PIGG: variants seen among roughly 807,000 people sequenced by gnomAD.
PIGG encodes GPI ethanolamine phosphate transferase 2, catalytic subunit.
Under a neutral mutation model 83.2 loss-of-function variants are expected in PIGG, and 70 were observed. The ratio of observed to expected loss-of-function variants is 0.84; its 90% CI spans 0.69 to 1.03. The LOEUF (loss-of-function observed/expected upper bound fraction) is 1.03. Among genes scored for constraint, PIGG ranks in the 50% least tolerant of loss-of-function variants. The pLI is 0.00. For missense variants in PIGG, 1,257 were observed against 1,233.6 expected, an observed-to-expected ratio of 1.02 and a Z score of -0.28; for synonymous variants, 532 against 519.5, an observed-to-expected ratio of 1.02 and a Z score of -0.33.
At chr4:518,389 C>T (rs1226419261) in intron 6 of PIGG, among the ~76,000 whole-genome samples, 1 of 152,056 alleles carries the variant, frequency 6.6e-6, no homozygotes, top group Non-Finnish European at 1.5e-5. Flanking sequence ...GTCAGGAGAT[C>T]AAGACCGTCC....
intron 8 of PIGG, among the ~76,000 whole-genome samples, chr4:522,996 A>G (rs2108960934): frequency 6.6e-6 from 1 of 152,166 alleles, no homozygotes; most frequent in South Asian, 2.1e-4. Context: ...GGTGGGATGT[A>G]TTGTTGAGGT....
At position 499,282 on chromosome 4, in the gene PIGG, G is replaced by A. The variant is rs1553873825; in HGVS notation, c.-54G>A. ...ACCTGGAGCCGGAAGCGCGGCTGCAGCAGGGCGAGGCTCCAGGTGGGGTCG... is the reference window on the plus strand; with the variant it reads ...ACCTGGAGCCGGAAGCGCGGCTGCAACAGGGCGAGGCTCCAGGTGGGGTCG... On this transcript the variant is annotated 5_prime_UTR_variant, in exon 1 of 13. Transcript: ENST00000453061. 2 of 1,577,788 alleles carry A rather than the reference G, an allele frequency of 1.3e-6. No homozygotes were observed. Among genetic ancestry groups the A allele is most frequent in the Non-Finnish European group, 1.7e-6 (2 of 1,166,428 alleles).
chr4:505,952 T>C (rs1392804890), intron 3 of PIGG, 25 bp downstream of exon 3: 2 of 1,459,718 alleles, frequency 1.4e-6, no homozygotes, highest in Non-Finnish European at 1.9e-6. Context: ...TAAGAAAATA[T>C]ATCATACTAG....
Position 528,107 on chromosome 4 carries a change from A to C in PIGG, c.2261+877A>C. 1.0e-6 allele frequency: 1 copy of C among 984,890 alleles called. No homozygotes were observed. The highest frequency in any genetic ancestry group is 1.2e-6 in the Non-Finnish European group (1 of 829,842). 61.0% of individuals were successfully genotyped at this position (984,890 alleles called of 1,614,324 possible). The stretch of plus-strand genomic sequence containing the variant: ...CAGTGAGGTCGGTGCTCTGATAGTG[A>C]CCCTCTCAGTGAGGTCGGTGCTCTG... On this transcript the variant is annotated intron_variant, in intron 10 of 12. Transcript: ENST00000453061. This position sits in a 1 kb window ranked among gnomAD's most constrained non-coding sequence, Gnocchi z 4.8.
In PIGG at chr4:521,194, C is replaced by T. The variant is rs144656165; in HGVS notation, c.1253C>T (p.Thr418Met). 47 of 1,613,908 alleles carry T rather than the reference C, an allele frequency of 2.9e-5. No homozygotes were observed. Among genetic ancestry groups the T allele is most frequent in the African/African-American group, 8.0e-5 (6 of 74,902 alleles). ...VLRQYLDALK[T>M]LSLSLSAQVA... is the part of the protein sequence containing the mutation. ...AGGCAGTACCTGGATGCTCTGAAGA[C>T]GCTGAGCTTGTCCCTGAGTGCACAA... The change falls in exon 7 of 13, where the codon ACG becomes ATG. Residue 418 changes from threonine (T) to methionine (M), a missense_variant. Transcript: ENST00000453061.
chr4:521,572 G>A, intron 7 of PIGG, 88 bp from the exon 8 acceptor site: 1 of 1,256,974 alleles, frequency 8.0e-7, no homozygotes, highest in Non-Finnish European at 1.1e-6. Flanking sequence ...TGTGTGGACA[G>A]CTGACACGAG....
intron 5 of PIGG, among the ~76,000 whole-genome samples, chr4:513,807 A>G (rs1015897873): frequency 6.6e-6 from 1 of 152,172 alleles, no homozygotes; most frequent in Non-Finnish European, 1.5e-5. Flanking sequence ...TTTCAGAATT[A>G]CAGTTATTAA....
At chr4:508,267 TGAAG>T (rs1205415256) in intron 4 of PIGG, among the ~76,000 whole-genome samples, 3 of 152,038 alleles carry the variant, frequency 2.0e-5, no homozygotes, top group Admixed American at 2.0e-4. Context: ...AGCAGAGACT[TGAAG>T]GGAGGGAGGG....
intron 5 of PIGG, among the ~76,000 whole-genome samples, chr4:510,938 T>C (rs1721680848): frequency 6.6e-6 from 1 of 152,106 alleles, no homozygotes. Context: ...TGGTCTCGTG[T>C]GCCTGGCTTC....
chr4:523,698 C>G lies in PIGG; in HGVS notation c.1854C>G (p.Ala618=), dbSNP rs775387761. Residue 618 remains alanine (A), a synonymous_variant, in exon 9 of 13, where the codon GCC becomes GCG. Coordinates refer to ENST00000453061, the MANE Select transcript of PIGG (RefSeq NM_001127178.3). The part of the protein sequence containing the change: ...GLCVEQGHDG[A]TAAWQDGPGC... The stretch of plus-strand genomic sequence containing the variant: ...GTGTGGAACAAGGGCATGACGGGGC[C>G]ACAGCAGCGTGGCAGGACGGGCCTG... 1 of 1,614,230 alleles carries G rather than the reference C, an allele frequency of 6.2e-7. No individual in the cohort carries two copies. Among genetic ancestry groups the G allele is most frequent in the East Asian group, 2.2e-5 (1 of 44,882 alleles).
intron 11 of PIGG, chr4:532,890 AGC>A (rs1729405052): frequency 1.3e-5 from 2 of 152,196 alleles, no homozygotes; most frequent in African/African-American, 4.9e-5. Context: ...GGGGCCTGGG[AGC>A]AGAGAGGAGG....
chr4:536,816 C>T (rs1375963005), intron 12 of PIGG: 2 of 152,292 alleles, frequency 1.3e-5, no homozygotes, highest in African/African-American at 4.8e-5. Context: ...GCGGCGTGAT[C>T]AAGCACCTGT....
chr4:534,126 G>A, intron 12 of PIGG, 145 bp downstream of exon 12: 2 of 738,268 alleles, frequency 2.7e-6, no homozygotes, highest in East Asian at 2.7e-5. Context: ...AATAGGGAAC[G>A]GTCCAAAGCT....
At chr4:539,106 A>C in intron 12 of PIGG, 47 bp from the exon 13 acceptor site, 1 of 1,186,278 alleles carries the variant, frequency 8.4e-7, no homozygotes, top group Middle Eastern at 2.8e-4. Flanking sequence ...TACATGTGTG[A>C]TATGTAAGTG....
At chr4:530,874 C>T (rs543950142) in intron 11 of PIGG, 129 bp downstream of exon 11, 2 of 683,588 alleles carry the variant, frequency 2.9e-6, no homozygotes, top group South Asian at 3.8e-5. Flanking sequence ...TTACGCTGAA[C>T]TCTCGTGTAT....
chr4:516,135 C>G lies in PIGG; in HGVS notation c.1064C>G (p.Thr355Arg), dbSNP rs1023854755. The G allele has an allele frequency of 6.2e-7, 1 of 1,614,034 alleles. No individual in the cohort carries two copies. Among genetic ancestry groups the G allele is most frequent in the Non-Finnish European group, 8.5e-7 (1 of 1,179,910 alleles). Reference protein sequence around the residue: ...REQLRFLHLNTVQLSKLLQEN... With the variant: ...REQLRFLHLNRVQLSKLLQEN... ...CAGTTGAGATTTTTACATTTGAATA[C>G]AGTGCAGCTTAGTAAACTGTTGCAA... The change falls in exon 6 of 13, where the codon ACA becomes AGA. Residue 355 changes from threonine to arginine, a missense_variant. Transcript: ENST00000453061.
At chr4:517,539 T>A (rs1724345999) in intron 6 of PIGG, among the ~76,000 whole-genome samples, 1 of 151,994 alleles carries the variant, frequency 6.6e-6, no homozygotes, top group African/African-American at 2.4e-5. Flanking sequence ...AAGAAGTAAT[T>A]TCAGGAAGCA....
At chr4:534,199 G>A (rs377419154) in intron 12 of PIGG, among the ~76,000 whole-genome samples, 1 of 151,956 alleles carries the variant, frequency 6.6e-6, no homozygotes, top group Non-Finnish European at 1.5e-5. Context: ...ACGGGGCCTC[G>A]CCGGGCTCCC....
At chr4:520,784 A>T (rs1725594272) in intron 6 of PIGG, among the ~76,000 whole-genome samples, 1 of 152,264 alleles carries the variant, frequency 6.6e-6, no homozygotes, top group Non-Finnish European at 1.5e-5. Flanking sequence ...CAGGCAGCAC[A>T]GGGGTCAGTC....
Sources: gnomAD v4.1 joint callset for allele counts (sites outside exome capture counted in the v4.1 genomes callset) on GRCh38, gnomAD v4.1.1 for gene constraint, Gnocchi (gnomAD v3.1) non-coding constraint, MANE v1.5 for transcripts, NCBI Gene and HGNC (gene_info 2026-07-23, HGNC 2026-07-21) for gene names.